The following LARS1 variants were observed in gnomAD, a reference collection of about 807,000 sequenced individuals.
LARS1 encodes the protein leucine--tRNA ligase, cytoplasmic.
A neutral mutation model predicts 162.8 loss-of-function variants in LARS1; 100 were observed. The observed-to-expected ratio is 0.61, with a 90% CI of 0.52 to 0.73. The LOEUF (loss-of-function observed/expected upper bound fraction) is 0.73, where lower values mean the gene tolerates loss of function less well. Among genes scored for constraint, LARS1 ranks in the 30% least tolerant of loss-of-function variants. LARS1 has a pLI of 0.00. For missense variants in LARS1, 1,258 were observed against 1,408.9 expected, an observed-to-expected ratio of 0.89 and a Z score of 1.71; for synonymous variants, 457 against 462.8, an observed-to-expected ratio of 0.99 and a Z score of 0.16.
At position 146,182,221 on chromosome 5, in the gene LARS1, G is replaced by A. The variant is rs1754903225; in HGVS notation, c.6+267C>T. ...CTCCCAAAGTGCTGGGATTACAGCCGTGGGCCACCGTGCCCGGCTCTCCAC... is the reference window on the plus strand; with the variant it reads ...CTCCCAAAGTGCTGGGATTACAGCCATGGGCCACCGTGCCCGGCTCTCCAC... On this transcript the variant is annotated intron_variant, in intron 1 of 31. Coordinates refer to ENST00000394434, the MANE Select transcript of LARS1 (RefSeq NM_020117.11). 13 of 511,326 alleles carry A rather than the reference G, an allele frequency of 2.5e-5. No homozygotes were observed. The Admixed American group carries it at 4.2e-4, about 16-fold the overall frequency. 31.7% of individuals were successfully genotyped at this position (511,326 alleles called of 1,614,324 possible).
rs1417813584 is a variant in LARS1 at position 146,144,311 on chromosome 5, A to C, written c.1694T>G (p.Leu565Ter). The C allele has an allele frequency of 1.2e-6, 2 of 1,613,736 alleles. No individual in the cohort carries two copies. The highest frequency in any genetic ancestry group is 8.5e-7 in the Non-Finnish European group (1 of 1,179,914). The change falls in exon 18 of 32, where the codon TTA (leucine) becomes TGA (stop). Residue 565 changes from leucine (L) to a stop codon, truncating the protein, a stop_gained. Coordinates refer to ENST00000394434, the MANE Select transcript of LARS1 (RefSeq NM_020117.11). LOFTEE classifies it high-confidence loss of function. The part of the protein sequence containing the change: ...EETRRNFEAT[L>*]GWLQEHACSR... ...GCAAGCATGTTCTTGTAGCCAACCT[A>C]AGGTGGCTTCAAAATTCCTCCTGGT...
chr5:146,169,258 G>A (rs776867983), intron 4 of LARS1, among the ~76,000 whole-genome samples: 1 of 152,106 alleles, frequency 6.6e-6, no homozygotes, highest in Non-Finnish European at 1.5e-5. Flanking sequence ...CAAAGTTACA[G>A]ACTTAACCTT....
intron 28 of LARS1, among the ~76,000 whole-genome samples, chr5:146,124,388 T>A (rs1751958834): frequency 6.6e-6 from 1 of 151,046 alleles, no homozygotes; most frequent in Admixed American, 6.6e-5. Flanking sequence ...TTAGACTGAC[T>A]TAACATGCAA....
intron 24 of LARS1, chr5:146,130,363 C>T (rs1243221331): frequency 1.8e-6 from 1 of 570,610 alleles, no homozygotes; most frequent in Non-Finnish European, 3.0e-6. Context: ...ACTAATAATT[C>T]TCAAAAAAAG....
chr5:146,167,554 C>G (rs556030813), intron 5 of LARS1, among the ~76,000 whole-genome samples: 1 of 152,156 alleles, frequency 6.6e-6, no homozygotes, highest in Non-Finnish European at 1.5e-5. Context: ...CAGGCGCCCA[C>G]CACCACGCCC....
chr5:146,167,133 T>G (rs779769199), intron 5 of LARS1, among the ~76,000 whole-genome samples: 103 of 152,228 alleles, frequency 6.8e-4, no homozygotes, highest in Non-Finnish European at 1.1e-3. Flanking sequence ...CAGAAAAGAT[T>G]AAGGAAACAT....
chr5:146,176,312 C>G (rs879811852), intron 2 of LARS1, among the ~76,000 whole-genome samples: 1 of 151,768 alleles, frequency 6.6e-6, no homozygotes, highest in East Asian at 1.9e-4. Context: ...ATTAGCTGGG[C>G]GTGGTGGCAC....
At chr5:146,161,972 T>C (rs1753799342) in intron 6 of LARS1, among the ~76,000 whole-genome samples, 1 of 152,238 alleles carries the variant, frequency 6.6e-6, no homozygotes, top group African/African-American at 2.4e-5. Flanking sequence ...CAATTCAGGC[T>C]TATCTTCAAG....
intron 15 of LARS1, among the ~76,000 whole-genome samples, chr5:146,148,796 C>A (rs1329756901): frequency 1.3e-5 from 2 of 152,086 alleles, no homozygotes; most frequent in Non-Finnish European, 2.9e-5. Flanking sequence ...TGGAGATTAG[C>A]CGGGCATGGT....
At chr5:146,176,741 T>C (rs930488779) in intron 2 of LARS1, among the ~76,000 whole-genome samples, 4 of 152,196 alleles carry the variant, frequency 2.6e-5, no homozygotes, top group Non-Finnish European at 5.9e-5. Flanking sequence ...TCTACGTTTG[T>C]CTTTAAATCA....
At chr5:146,134,113 G>C (rs2963922) in intron 22 of LARS1, among the ~76,000 whole-genome samples, 93,350 of 151,996 alleles carry the variant, frequency 0.61, 29,090 homozygotes, top group Middle Eastern at 0.79. Context: ...CAAAGTGCTG[G>C]GATTACAAGT....
At chr5:146,161,822 G>A (rs1421049396) in intron 6 of LARS1, among the ~76,000 whole-genome samples, 1 of 151,356 alleles carries the variant, frequency 6.6e-6, no homozygotes, top group Non-Finnish European at 1.5e-5. Flanking sequence ...TAAAGTTTAT[G>A]TGATATTCAA....
At chr5:146,126,617 C>A in intron 27 of LARS1, 72 bp from the exon 28 acceptor site, 2 of 986,472 alleles carry the variant, frequency 2.0e-6, no homozygotes, top group Non-Finnish European at 3.2e-6. Flanking sequence ...GTAGATGTGA[C>A]CAGGCATAGA....
chr5:146,159,898 T>C (rs953963661), intron 7 of LARS1, among the ~76,000 whole-genome samples: 1 of 152,074 alleles, frequency 6.6e-6, no homozygotes, highest in Non-Finnish European at 1.5e-5. Flanking sequence ...ACAAATCAAA[T>C]GATTACTTTT....
At position 146,179,507 on chromosome 5, in the gene LARS1, C is replaced by T. The variant is rs573613493; in HGVS notation, c.7-1842G>A. Among the ~76,000 whole-genome samples the T allele has an allele frequency of 3.3e-5, 5 of 152,200 alleles. No individual in the cohort carries two copies. The South Asian group carries it at 1.0e-3, about 32-fold the overall frequency. On this transcript the variant is annotated intron_variant, in intron 1 of 31. Transcript: ENST00000394434. Reference sequence around the variant, plus strand: ...ATTTTTACAGAGGAAAGGACCCACCCACAAAGGCAAAAGTATGTAGGGCCT... The same window carrying T: ...ATTTTTACAGAGGAAAGGACCCACCTACAAAGGCAAAAGTATGTAGGGCCT...
chr5:146,157,853 C>T, intron 8 of LARS1, 58 bp from the exon 9 acceptor site: 1 of 1,510,866 alleles, frequency 6.6e-7, no homozygotes, highest in Non-Finnish European at 9.2e-7. Context: ...CTTAAACCTA[C>T]TAATCTATGT....
Position 146,143,442 on chromosome 5 carries a change from T to C in LARS1, c.1847A>G (p.His616Arg). Reference protein sequence around the residue: ...VAHLLQGGNLHGQAESPLGIR... With the variant: ...VAHLLQGGNLRGQAESPLGIR... ...GCCCAGCGGAGACTCTGCCTGTCCA[T>C]GCAAGTTACCCCCCTGCAATAGGTG... Residue 616 changes from histidine (H) to arginine (R), a missense_variant, in exon 19 of 32, where the codon CAT (histidine) becomes CGT (arginine). Transcript: ENST00000394434. 1.2e-6 allele frequency: 2 copies of C among 1,613,790 alleles called. No individual in the cohort carries two copies. The highest frequency in any genetic ancestry group is 1.7e-6 in the Non-Finnish European group (2 of 1,179,752).
chr5:146,153,211 T>C lies in LARS1; in HGVS notation c.1247A>G (p.Tyr416Cys), dbSNP rs748768426. 5.0e-6 allele frequency: 8 copies of C among 1,613,212 alleles called. No individual in the cohort carries two copies. The highest frequency in any genetic ancestry group is 1.1e-5 in the South Asian group (1 of 91,064). The change falls in exon 13 of 32, where the codon TAT becomes TGT. Residue 416 changes from tyrosine (Y) to cysteine (C), a missense_variant. Transcript: ENST00000394434. Reference sequence around the variant, plus strand: ...CAAGACCATGTCATCTCTAATTCCATATTTTGCTCGTAAGGCCTACAGAAA... The same window carrying C: ...CAAGACCATGTCATCTCTAATTCCACATTTTGCTCGTAAGGCCTACAGAAA... ...LKKKQALRAK[Y>C]GIRDDMVLPF...
intron 31 of LARS1, among the ~76,000 whole-genome samples, chr5:146,119,501 A>C (rs1751715749): frequency 6.6e-6 from 1 of 152,200 alleles, no homozygotes; most frequent in Admixed American, 6.5e-5. Context: ...GAAAGTGGCC[A>C]ATCAACTTTT....
Sources: gnomAD v4.1 joint callset for allele counts (sites outside exome capture counted in the v4.1 genomes callset) on GRCh38, gnomAD v4.1.1 for gene constraint, MANE v1.5 for transcripts, NCBI Gene and HGNC (gene_info 2026-07-23, HGNC 2026-07-21) for gene names.